Variants in NLGN1 observed in about 807,000 individuals in gnomAD.
NLGN1 encodes neuroligin-1.
In NLGN1, 12 loss-of-function variants were observed where a neutral mutation model predicts 65.5. The observed-to-expected ratio is 0.18, with a 90% CI of 0.12 to 0.30. The LOEUF is 0.30. NLGN1 is among the 10% of genes least tolerant of loss of function. The probability of loss-of-function intolerance (pLI) is 1.00; values close to 1 mark genes in which losing one functional copy is unlikely to be tolerated. For missense variants in NLGN1, 750 were observed against 1,007.1 expected (o/e 0.74, Z 3.46); for synonymous variants, 350 against 359.5 (o/e 0.97, Z 0.30).
At chr3:174,061,630 G>A (rs1276998332) in intron 4 of NLGN1, among the ~76,000 whole-genome samples, 2 of 152,122 alleles carry the variant, frequency 1.3e-5, no homozygotes, top group Non-Finnish European at 2.9e-5. Flanking sequence ...TACAAGAATA[G>A]CTAATTAACT....
chr3:173,565,822 A>G (rs1414250195), intron 2 of NLGN1, among the ~76,000 whole-genome samples: 1 of 152,006 alleles, frequency 6.6e-6, no homozygotes, highest in Non-Finnish European at 1.5e-5. Context: ...GATGAAGCAG[A>G]TATTAGAATG....
At chr3:173,729,088 A>C (rs77667485) in intron 3 of NLGN1, among the ~76,000 whole-genome samples, 2,623 of 152,110 alleles carry the variant, frequency 0.017, 64 homozygotes, top group African/African-American at 0.059. Context: ...TAAAATGAAA[A>C]CACTAAGACT....
chr3:174,132,553 A>G (rs1001906960), intron 4 of NLGN1, among the ~76,000 whole-genome samples: 1 of 152,066 alleles, frequency 6.6e-6, no homozygotes, highest in Admixed American at 6.6e-5. Flanking sequence ...ACCTCCTGTA[A>G]AGCTTCTGAA....
At chr3:173,670,529 T>C (rs1762314109) in intron 3 of NLGN1, among the ~76,000 whole-genome samples, 2 of 152,190 alleles carry the variant, frequency 1.3e-5, no homozygotes, top group African/African-American at 2.4e-5. Flanking sequence ...TGGTTTTTTT[T>C]CAGAAGTTCT....
intron 4 of NLGN1, among the ~76,000 whole-genome samples, chr3:174,097,195 G>C (rs933714275): frequency 6.6e-6 from 1 of 152,066 alleles, no homozygotes; most frequent in Admixed American, 6.5e-5. Flanking sequence ...GGATATTTCT[G>C]TTCATGGCAA....
At chr3:173,843,482 T>G (rs907885634) in intron 4 of NLGN1, among the ~76,000 whole-genome samples, 3 of 152,216 alleles carry the variant, frequency 2.0e-5, no homozygotes, top group Non-Finnish European at 4.4e-5. Context: ...TGAATGCCTT[T>G]AATAGCACCT....
intron 4 of NLGN1, among the ~76,000 whole-genome samples, chr3:174,230,406 AAGAGTAATACAATGGT>A (rs1243560338): frequency 6.6e-6 from 1 of 152,234 alleles, no homozygotes; most frequent in Non-Finnish European, 1.5e-5. Flanking sequence ...ACCCAGTGCC[AAGAGTAATACAATGGT>A]ATGTATCTAA....
upstream of NLGN1, chr3:173,396,444 A>C (rs1462452826): frequency 6.6e-6 from 1 of 152,194 alleles, no homozygotes; most frequent in Admixed American, 6.5e-5. Flanking sequence ...ATGTTTATAT[A>C]CCGACCGCAT....
chr3:173,641,562 A>G (rs907660196), intron 3 of NLGN1, among the ~76,000 whole-genome samples: 1 of 152,230 alleles, frequency 6.6e-6, no homozygotes, highest in Non-Finnish European at 1.5e-5. Flanking sequence ...AAGTGCTGGA[A>G]TTATAGGCAT....
At chr3:174,201,087 C>T (rs1344954583) in intron 4 of NLGN1, among the ~76,000 whole-genome samples, 1 of 151,838 alleles carries the variant, frequency 6.6e-6, no homozygotes, top group Non-Finnish European at 1.5e-5. Context: ...AATTACAAAA[C>T]AGTAGCTGGG....
At chr3:173,944,679 C>G (rs1275712656) in intron 4 of NLGN1, among the ~76,000 whole-genome samples, 1 of 152,190 alleles carries the variant, frequency 6.6e-6, no homozygotes, top group East Asian at 1.9e-4. Context: ...GTGTGAAACT[C>G]CTCTCTAAGG....
At chr3:173,497,714 A>G (rs1335272131) in intron 2 of NLGN1, among the ~76,000 whole-genome samples, 1 of 151,784 alleles carries the variant, frequency 6.6e-6, no homozygotes, top group Admixed American at 6.6e-5. Flanking sequence ...TTGATATTCT[A>G]TTAAAATTCA....
chr3:173,893,611 A>G (rs75713922), intron 4 of NLGN1, among the ~76,000 whole-genome samples: 2,386 of 152,210 alleles, frequency 0.016, 63 homozygotes, highest in African/African-American at 0.051. Flanking sequence ...TGTACATTCT[A>G]ACTAAATACT....
At chr3:173,874,101 G>A (rs1731682111) in intron 4 of NLGN1, among the ~76,000 whole-genome samples, 1 of 152,140 alleles carries the variant, frequency 6.6e-6, no homozygotes, top group East Asian at 1.9e-4. Flanking sequence ...CCAGCCTCCA[G>A]AACTGTGAGA....
chr3:173,692,167 C>T (rs1332383121), intron 3 of NLGN1, among the ~76,000 whole-genome samples: 1 of 151,970 alleles, frequency 6.6e-6, no homozygotes, highest in Non-Finnish European at 1.5e-5. Context: ...ATAAGGCATT[C>T]TCAACTGGAA....
In NLGN1 at chr3:174,214,663, TA is replaced by T. The variant is rs1737284746; in HGVS notation, c.647-60648del. Reference sequence around the variant, plus strand: ...ACTATGGCAATAATCTGTGTGCAGTTAAAATTCTCCATATTATAGTATAGAA... The same window carrying T: ...ACTATGGCAATAATCTGTGTGCAGTTAAATTCTCCATATTATAGTATAGAA... On this transcript the variant is annotated intron_variant, in intron 4 of 6. Coordinates refer to ENST00000457714, the Ensembl canonical transcript of NLGN1. 2.6e-5 allele frequency among the ~76,000 whole-genome samples: 4 copies of T among 152,304 alleles called. No homozygotes were observed. In the South Asian group the frequency reaches 8.3e-4, roughly 32 times the overall value.
chr3:173,872,876 G>C (rs1731424854), intron 4 of NLGN1, among the ~76,000 whole-genome samples: 1 of 151,914 alleles, frequency 6.6e-6, no homozygotes, highest in Non-Finnish European at 1.5e-5. Flanking sequence ...CATTTTGACA[G>C]CTTTGTTTTT....
intron 3 of NLGN1, among the ~76,000 whole-genome samples, chr3:173,707,773 A>C (rs911990240): frequency 1.3e-5 from 2 of 152,326 alleles, no homozygotes; most frequent in Non-Finnish European, 2.9e-5. Context: ...AATCTAATTA[A>C]GAAACTGAAA....
At chr3:173,999,622 C>A (rs983343265) in intron 4 of NLGN1, among the ~76,000 whole-genome samples, 2 of 152,084 alleles carry the variant, frequency 1.3e-5, no homozygotes, top group Non-Finnish European at 2.9e-5. Context: ...TTAACAAAGT[C>A]CTAATAACAT....
Sources: gnomAD v4.1 joint callset for allele counts (sites outside exome capture counted in the v4.1 genomes callset) on GRCh38, gnomAD v4.1.1 for gene constraint, MANE v1.5 for transcripts, NCBI Gene and HGNC (gene_info 2026-07-23, HGNC 2026-07-21) for gene names.